The following PALM2AKAP2 variants were observed in gnomAD, a reference collection of about 807,000 sequenced individuals.
PALM2AKAP2 encodes the protein PALM2-AKAP2 fusion protein.
Under a neutral mutation model 71.5 loss-of-function variants are expected in PALM2AKAP2, and 37 were observed. The observed-to-expected ratio is 0.52, with a 90% CI of 0.40 to 0.68. PALM2AKAP2 has a LOEUF of 0.68. Ranked by LOEUF, PALM2AKAP2 falls within the 30% of genes least tolerant of loss-of-function variation. PALM2AKAP2 has a pLI of 0.00. For synonymous variants in PALM2AKAP2, 468 were observed against 478.8 expected, an observed-to-expected ratio of 0.98 and a Z score of 0.29; for missense variants, 1,224 against 1,191.8, an observed-to-expected ratio of 1.03 and a Z score of -0.40.
At chr9:109,766,862 G>A (rs1173141029) in intron 1 of PALM2AKAP2, among the ~76,000 whole-genome samples, 1 of 152,082 alleles carries the variant, frequency 6.6e-6, no homozygotes, top group African/African-American at 2.4e-5. Flanking sequence ...CTTGCCCAGG[G>A]CTCCCCCATG....
exon 4 of PALM2AKAP2, chr9:110,170,763 C>A (rs1156579177): frequency 6.6e-6 from 1 of 152,134 alleles, no homozygotes; most frequent in Non-Finnish European, 1.5e-5. Context: ...GATTAGAAGT[C>A]CTGATGTGAA....
exon 2 of PALM2AKAP2, chr9:110,138,409 A>G: frequency 6.2e-7 from 1 of 1,614,232 alleles, no homozygotes; most frequent in Non-Finnish European, 8.5e-7. Context: ...TGATTGAGGA[A>G]GAGATCCGAG....
chr9:110,016,599 G>A (rs1351652589), intron 7 of PALM2AKAP2, among the ~76,000 whole-genome samples: 1 of 152,166 alleles, frequency 6.6e-6, no homozygotes, highest in Non-Finnish European at 1.5e-5. Flanking sequence ...AACTATCACT[G>A]TTCAAATTAA....
chr9:110,055,901 C>G (rs1440451018), intron 1 of PALM2AKAP2, among the ~76,000 whole-genome samples: 2 of 152,104 alleles, frequency 1.3e-5, no homozygotes, highest in African/African-American at 4.8e-5. Context: ...CAAGTTCCAG[C>G]AAGAGAGAGG....
chr9:109,986,268 T>C (rs1344601297), intron 6 of PALM2AKAP2, among the ~76,000 whole-genome samples: 2 of 152,228 alleles, frequency 1.3e-5, no homozygotes, highest in African/African-American at 4.8e-5. Context: ...AATGATTTTC[T>C]TACAGTTCAC....
intron 6 of PALM2AKAP2, among the ~76,000 whole-genome samples, chr9:110,006,352 TTCTTTC>T (rs1297839681): frequency 2.7e-4 from 39 of 145,978 alleles, no homozygotes; most frequent in African/African-American, 8.5e-4. Context: ...CTTTCTTTCT[TTCTTTC>T]TTTCTTTCTT....
chr9:109,781,368 A>C (rs1466636806), intron 1 of PALM2AKAP2, among the ~76,000 whole-genome samples: 6 of 152,192 alleles, frequency 3.9e-5, no homozygotes, highest in South Asian at 2.1e-4. Context: ...AGGATGAGGG[A>C]ATGATTACTG....
intron 7 of PALM2AKAP2, among the ~76,000 whole-genome samples, chr9:110,023,719 T>C (rs2132380454): frequency 6.6e-6 from 1 of 151,438 alleles, no homozygotes; most frequent in South Asian, 2.1e-4. Flanking sequence ...CGGGCAGGTG[T>C]GGTGGCTCAC....
chr9:109,730,928 C>T (rs1181956583), intron 1 of PALM2AKAP2, among the ~76,000 whole-genome samples: 5 of 151,418 alleles, frequency 3.3e-5, no homozygotes, highest in African/African-American at 1.2e-4. Context: ...GATAACATAA[C>T]ATCCCTTATA....
chr9:109,722,632 C>T (rs1350972286), intron 1 of PALM2AKAP2, among the ~76,000 whole-genome samples: 1 of 151,972 alleles, frequency 6.6e-6, no homozygotes, highest in African/African-American at 2.4e-5. Flanking sequence ...ATTAGCCAGG[C>T]GTGGTGGCAT....
intron 1 of PALM2AKAP2, among the ~76,000 whole-genome samples, chr9:109,667,683 C>T (rs1428741133): frequency 6.6e-6 from 1 of 152,098 alleles, no homozygotes; most frequent in Admixed American, 6.5e-5. Context: ...ATCCCAGTTA[C>T]TCAGGAGGCT....
At chr9:110,119,210 G>GCA (rs1835429103) in intron 1 of PALM2AKAP2, among the ~76,000 whole-genome samples, 1 of 151,928 alleles carries the variant, frequency 6.6e-6, no homozygotes, top group Non-Finnish European at 1.5e-5. Flanking sequence ...GGGTGTGGTG[G>GCA]TGGGCGCCTG....
intron 7 of PALM2AKAP2, among the ~76,000 whole-genome samples, chr9:110,019,238 CAAAAAA>C (rs769230271): frequency 2.1e-5 from 1 of 47,960 alleles, no homozygotes; most frequent in Admixed American, 2.3e-4. Context: ...GACTCTGTCT[CAAAAAA>C]AAAAAAAAAA....
chr9:109,749,283 C>T (rs544059434), intron 1 of PALM2AKAP2, among the ~76,000 whole-genome samples: 22 of 152,238 alleles, frequency 1.4e-4, no homozygotes, highest in African/African-American at 5.3e-4. Context: ...CCCCAGGCTA[C>T]TCCAACAGAC....
intron 1 of PALM2AKAP2, among the ~76,000 whole-genome samples, chr9:109,818,117 T>C (rs1281182157): frequency 6.6e-6 from 1 of 152,208 alleles, no homozygotes; most frequent in African/African-American, 2.4e-5. Context: ...ATTTTTGGAA[T>C]GAGGCAAGGT....
intron 1 of PALM2AKAP2, among the ~76,000 whole-genome samples, chr9:110,130,846 T>C (rs1260185142): frequency 1.3e-5 from 2 of 152,182 alleles, no homozygotes; most frequent in Admixed American, 6.5e-5. Flanking sequence ...GTGAGGAAGA[T>C]CTCTAATCCA....
At chr9:110,155,360 CATAATT>C (rs1321527133) in intron 2 of PALM2AKAP2, among the ~76,000 whole-genome samples, 1 of 152,172 alleles carries the variant, frequency 6.6e-6, no homozygotes, top group African/African-American at 2.4e-5. Flanking sequence ...TTGGAAAAAT[CATAATT>C]GTTATACTTG....
At chr9:109,640,792 A>C in exon 1 of PALM2AKAP2, 1 of 1,492,864 alleles carries the variant, frequency 6.7e-7, no homozygotes. Flanking sequence ...CGGCCAGTGC[A>C]CTCGGCTCCG....
chr9:110,127,460 A>G (rs1835633482), intron 1 of PALM2AKAP2, among the ~76,000 whole-genome samples: 1 of 152,032 alleles, frequency 6.6e-6, no homozygotes, highest in South Asian at 2.1e-4. Flanking sequence ...CCCTAGTTCC[A>G]CAGGCCGGAA....
Sources: allele counts gnomAD v4.1 joint callset (sites outside exome capture counted in the v4.1 genomes callset), GRCh38; gene constraint gnomAD v4.1.1; transcripts MANE v1.5; gene names NCBI Gene and HGNC (gene_info 2026-07-23, HGNC 2026-07-21).